CPLANE1: variants seen among roughly 807,000 people sequenced by gnomAD.
The protein encoded by CPLANE1 is ciliogenesis and planar polarity effector complex subunit 1, also known as ciliogenesis and planar polarity effector 1.
Under a neutral mutation model 362.5 loss-of-function variants are expected in CPLANE1, and 263 were observed. The ratio of observed to expected loss-of-function variants is 0.73; its 90% CI spans 0.66 to 0.80. CPLANE1 has a LOEUF of 0.80. Ranked by LOEUF, CPLANE1 falls within the 30% of genes least tolerant of loss-of-function variation. The pLI is 0.00. For synonymous variants in CPLANE1, 1,212 were observed against 1,302.6 expected, an observed-to-expected ratio of 0.93 and a Z score of 1.50; for missense variants, 3,461 against 3,793.4, an observed-to-expected ratio of 0.91 and a Z score of 2.30.
chr5:37,078,847 T>C, the CPLANE1 span, among the ~76,000 whole-genome samples: 13 of 152,220 alleles, frequency 8.5e-5, no homozygotes, highest in Admixed American at 4.6e-4. Flanking sequence ...GTTGGCCATA[T>C]GCATGTCTTC....
intron 20 of CPLANE1, 136 bp downstream of exon 20, chr5:37,198,566 G>A: frequency 1.2e-6 from 1 of 836,076 alleles, no homozygotes; most frequent in Non-Finnish European, 1.8e-6. Flanking sequence ...TGGTCTGTTT[G>A]TTTATGAATA....
rs750146106 is a variant in CPLANE1, at chr5:37,184,971, A to G, written c.4298T>C (p.Ile1433Thr). The change falls in exon 25 of 53, where the codon ATA becomes ACA. Residue 1433 changes from isoleucine to threonine, a missense_variant. Ile to Thr is a moderately conservative substitution (Grantham distance 89). This residue lies in a region of CPLANE1 where 3,380 missense variants were observed against 3,666.1 expected (regional missense o/e 0.92). Transcript: ENST00000651892. ...QRNIGSFEVN[I>T]WEPIEEEKPD... ...TTTCTCTTCTTCAATTGGTTCCCAT[A>G]TATTCACTTCAAAAGAGCCTATATT... The G allele has an allele frequency of 1.2e-6, 2 of 1,614,100 alleles. No individual in the cohort carries two copies. The highest frequency in any genetic ancestry group is 2.2e-5 in the South Asian group (2 of 91,084).
At chr5:37,130,176 A>C (rs1765364168) in intron 46 of CPLANE1, among the ~76,000 whole-genome samples, 1 of 152,228 alleles carries the variant, frequency 6.6e-6, no homozygotes, top group African/African-American at 2.4e-5. Flanking sequence ...GCTCTCACTC[A>C]TAAGCTATGA....
the CPLANE1 span, among the ~76,000 whole-genome samples, chr5:37,078,500 G>T: frequency 6.6e-6 from 1 of 152,130 alleles, no homozygotes; most frequent in Admixed American, 6.5e-5. Context: ...GAATAGTGCT[G>T]CAGTGAACAT....
chr5:37,171,137 C>T (rs1457724556), intron 32 of CPLANE1, among the ~76,000 whole-genome samples: 2 of 152,178 alleles, frequency 1.3e-5, no homozygotes, highest in Non-Finnish European at 2.9e-5. Flanking sequence ...ATGACCAGGT[C>T]ACTCCCTATC....
intron 32 of CPLANE1, among the ~76,000 whole-genome samples, chr5:37,170,642 A>G (rs1779533931): frequency 1.3e-5 from 2 of 152,200 alleles, no homozygotes; most frequent in South Asian, 2.1e-4. Flanking sequence ...GGATAAAGAC[A>G]GATTCTCAGA....
intron 2 of CPLANE1, chr5:37,246,597 A>G (rs1739748379): frequency 6.6e-6 from 1 of 152,194 alleles, no homozygotes; most frequent in Non-Finnish European, 1.5e-5. Context: ...TTACCTAGAA[A>G]AAGTAGGCTG....
chr5:37,169,919 G>A (rs1779292871), intron 33 of CPLANE1, 122 bp downstream of exon 33: 4 of 939,470 alleles, frequency 4.3e-6, no homozygotes, highest in Non-Finnish European at 6.5e-6. Context: ...TAGAGACGGG[G>A]TTTCACGATG....
intron 50 of CPLANE1, among the ~76,000 whole-genome samples, chr5:37,117,775 C>T (rs539585973): frequency 2.0e-5 from 3 of 152,234 alleles, no homozygotes; most frequent in Non-Finnish European, 4.4e-5. Flanking sequence ...GGAGCACCTC[C>T]TCAAGCATAA....
the CPLANE1 span, among the ~76,000 whole-genome samples, chr5:37,094,983 C>A: frequency 1.3e-5 from 2 of 152,120 alleles, no homozygotes; most frequent in Admixed American, 1.3e-4. Flanking sequence ...GACGGATTCA[C>A]AACAGAATTC....
At position 37,209,581 on chromosome 5, in the gene CPLANE1, C is replaced by A; in HGVS notation, c.2921-3156G>T. 1 of 1,381,184 alleles carries A rather than the reference C, an allele frequency of 7.2e-7. No individual in the cohort carries two copies. Among genetic ancestry groups the A allele is most frequent in the Non-Finnish European group, 1.0e-6 (1 of 969,108 alleles). 85.6% of individuals were successfully genotyped at this position (1,381,184 alleles called of 1,614,324 possible). ...CAAGGGAGCTCCCTCTTAATAAGTGCCTCTAACTCTTTAGTGGCAGATCAC... is the reference window on the plus strand; with the variant it reads ...CAAGGGAGCTCCCTCTTAATAAGTGACTCTAACTCTTTAGTGGCAGATCAC... On this transcript the variant is annotated intron_variant, in intron 16 of 52. Transcript: ENST00000651892. The surrounding 1 kb of genome is among the most constrained non-coding windows in gnomAD (Gnocchi z 4.6).
At chr5:37,104,708 C>A (rs755002776), downstream of CPLANE1, among the ~76,000 whole-genome samples, 12 of 151,788 alleles carry the variant, frequency 7.9e-5, no homozygotes, top group Non-Finnish European at 1.6e-4. Flanking sequence ...GAGTTCAAGG[C>A]CAGCCTGGCC....
In CPLANE1 at chr5:37,210,903, G is replaced by A. The variant is rs1792413375; in HGVS notation, c.2920+2656C>T. On this transcript the variant is annotated intron_variant, in intron 16 of 52. Coordinates refer to ENST00000651892, the MANE Select transcript of CPLANE1 (RefSeq NM_001384732.1). ...AGCTCTGCACAAACAACTGCAAGAT[G>A]AAATTGAGCATACTACACAGTTGAA... The A allele has an allele frequency of 2.6e-5, 20 of 781,234 alleles. 1 individual carries two copies. In the South Asian group the frequency reaches 2.6e-4, roughly 10 times the overall value. The allele number at this position is 781,234 out of a possible 1,614,324, so 48.4% of individuals were successfully genotyped here.
intron 50 of CPLANE1, among the ~76,000 whole-genome samples, chr5:37,118,718 CTTT>C (rs34865341): frequency 2.1e-5 from 3 of 142,516 alleles, no homozygotes; most frequent in Non-Finnish European, 3.1e-5. Context: ...TGTTATTTTA[CTTT>C]TTTTTTTTTT....
chr5:37,210,367 TAA>T (rs1580764324), intron 16 of CPLANE1: 1 of 1,116,544 alleles, frequency 9.0e-7, no homozygotes, highest in Non-Finnish European at 1.4e-6. Flanking sequence ...GAGCAGAATA[TAA>T]AGAGTTTTGA....
intron 8 of CPLANE1, among the ~76,000 whole-genome samples, chr5:37,237,323 A>T (rs1799221379): frequency 6.6e-6 from 1 of 152,244 alleles, no homozygotes; most frequent in Non-Finnish European, 1.5e-5. Flanking sequence ...GGAGGTCATT[A>T]TCCTAGGTAA....
intron 46 of CPLANE1, among the ~76,000 whole-genome samples, chr5:37,127,177 C>G (rs915170798): frequency 6.6e-6 from 1 of 152,160 alleles, no homozygotes; most frequent in Non-Finnish European, 1.5e-5. Context: ...CTCCATGTAC[C>G]TTTTGCCTCC....
chr5:37,166,184 A>G lies in CPLANE1; in HGVS notation c.7401-513T>C, dbSNP rs532810533. ...ACAGTCTGATAAATGTGAAATTTTAAAAGTATTTTCTAGACTTAGTAATAA... is the reference window on the plus strand; with the variant it reads ...ACAGTCTGATAAATGTGAAATTTTAGAAGTATTTTCTAGACTTAGTAATAA... On this transcript the variant is annotated intron_variant, in intron 35 of 52. Coordinates refer to ENST00000651892, the MANE Select transcript of CPLANE1 (RefSeq NM_001384732.1). 4.6e-5 allele frequency among the ~76,000 whole-genome samples: 7 copies of G among 152,334 alleles called. No homozygotes were observed. In the East Asian group the frequency reaches 7.7e-4, roughly 17 times the overall value.
intron 18 of CPLANE1, among the ~76,000 whole-genome samples, chr5:37,202,441 C>T (rs1367172015): frequency 3.3e-5 from 5 of 152,078 alleles, no homozygotes; most frequent in South Asian, 2.1e-4. Context: ...ACATGACCAC[C>T]GTGCCTGGCC....
Sources: gnomAD v4.1 joint callset for allele counts (sites outside exome capture counted in the v4.1 genomes callset) on GRCh38, gnomAD v4.1.1 for gene constraint, gnomAD v4.1.1 regional missense constraint, Gnocchi (gnomAD v3.1) non-coding constraint, MANE v1.5 for transcripts, NCBI Gene and HGNC (gene_info 2026-07-23, HGNC 2026-07-21) for gene names.